The following NOL4 variants were observed in gnomAD, a reference collection of about 807,000 sequenced individuals.
NOL4 encodes cancer/testis antigen 125.
In NOL4, 17 loss-of-function variants were observed where a neutral mutation model predicts 75.9. The observed-to-expected ratio is 0.22, with a 90% CI of 0.15 to 0.34. The LOEUF (loss-of-function observed/expected upper bound fraction) is 0.34, where lower values mean the gene tolerates loss of function less well. Ranked by LOEUF, NOL4 falls within the 10% of genes least tolerant of loss-of-function variation. The probability of loss-of-function intolerance (pLI) is 1.00; values close to 1 mark genes in which losing one functional copy is unlikely to be tolerated. For missense variants in NOL4, 614 were observed against 793.5 expected, an observed-to-expected ratio of 0.77 and a Z score of 2.72; for synonymous variants, 292 against 289.9, an observed-to-expected ratio of 1.01 and a Z score of -0.07.
chr18:33,942,781 A>G (rs1248878571), intron 9 of NOL4, among the ~76,000 whole-genome samples: 1 of 151,912 alleles, frequency 6.6e-6, no homozygotes, highest in Non-Finnish European at 1.5e-5. Context: ...GATCAGCTAG[A>G]ACCTCTTAAT....
At chr18:33,933,963 C>T (rs2067880519) in intron 9 of NOL4, among the ~76,000 whole-genome samples, 1 of 152,058 alleles carries the variant, frequency 6.6e-6, no homozygotes, top group African/African-American at 2.4e-5. Flanking sequence ...CGATGGCAGC[C>T]ATAGCCTTGG....
chr18:34,184,168 T>C (rs1321008398), intron 1 of NOL4, among the ~76,000 whole-genome samples: 1 of 151,828 alleles, frequency 6.6e-6, no homozygotes, highest in East Asian at 1.9e-4. Context: ...TGCAAAGTAA[T>C]TTCAAAGCTT....
intron 9 of NOL4, among the ~76,000 whole-genome samples, chr18:33,890,683 A>G (rs922583549): frequency 1.3e-5 from 2 of 152,088 alleles, no homozygotes; most frequent in African/African-American, 2.4e-5. Context: ...TTCCTTTTGT[A>G]CTTATGATGA....
At chr18:33,895,211 T>C (rs931118891) in intron 9 of NOL4, among the ~76,000 whole-genome samples, 1 of 151,990 alleles carries the variant, frequency 6.6e-6, no homozygotes, top group Non-Finnish European at 1.5e-5. Flanking sequence ...ATAAATACAG[T>C]AGTGATAATC....
chr18:34,213,630 G>A (rs568823224), intron 1 of NOL4, among the ~76,000 whole-genome samples: 21 of 152,124 alleles, frequency 1.4e-4, no homozygotes, highest in Non-Finnish European at 2.9e-4. Flanking sequence ...TCTGGAGTGA[G>A]TTCCTAATAA....
intron 5 of NOL4, among the ~76,000 whole-genome samples, chr18:34,034,175 C>A (rs965728662): frequency 1.3e-5 from 2 of 151,984 alleles, no homozygotes; most frequent in Non-Finnish European, 2.9e-5. Flanking sequence ...CAGAAAACCA[C>A]CAAACCAAAA....
intron 5 of NOL4, among the ~76,000 whole-genome samples, chr18:34,024,566 A>G (rs1317007969): frequency 2.0e-5 from 3 of 151,818 alleles, no homozygotes; most frequent in African/African-American, 7.3e-5. Context: ...AAAACAAAAC[A>G]AACAACAACA....
intron 1 of NOL4, among the ~76,000 whole-genome samples, chr18:34,160,934 T>C (rs1397844010): frequency 2.6e-5 from 4 of 152,214 alleles, no homozygotes; most frequent in African/African-American, 7.2e-5. Flanking sequence ...TATATAGGCA[T>C]AATTTTGTGT....
intron 9 of NOL4, among the ~76,000 whole-genome samples, chr18:33,931,470 C>T (rs139996849): frequency 6.6e-6 from 1 of 152,256 alleles, no homozygotes. Context: ...GTGGCTCATG[C>T]CTGTCATCCT....
At chr18:34,175,983 T>C (rs2033511667) in intron 1 of NOL4, among the ~76,000 whole-genome samples, 1 of 151,696 alleles carries the variant, frequency 6.6e-6, no homozygotes, top group Non-Finnish European at 1.5e-5. Context: ...ATAAAAACAA[T>C]CAATAGGAAA....
chr18:33,905,894 C>T (rs2066009097), intron 9 of NOL4, among the ~76,000 whole-genome samples: 1 of 152,108 alleles, frequency 6.6e-6, no homozygotes, highest in Non-Finnish European at 1.5e-5. Context: ...CCAGTAGTAC[C>T]CAGATGGGAG....
At chr18:33,992,971 CA>C (rs1377625865) in intron 6 of NOL4, among the ~76,000 whole-genome samples, 1 of 151,896 alleles carries the variant, frequency 6.6e-6, no homozygotes, top group Non-Finnish European at 1.5e-5. Flanking sequence ...AGGGAACTTC[CA>C]AAAACTAAAT....
At chr18:34,001,381 C>T (rs2073693435) in intron 6 of NOL4, among the ~76,000 whole-genome samples, 1 of 152,174 alleles carries the variant, frequency 6.6e-6, no homozygotes, top group South Asian at 2.1e-4. Context: ...TTTTATTCTT[C>T]CCATACCTAT....
At chr18:34,145,975 T>C (rs561584893) in intron 1 of NOL4, among the ~76,000 whole-genome samples, 3 of 152,214 alleles carry the variant, frequency 2.0e-5, no homozygotes, top group East Asian at 1.9e-4. Context: ...AGAATATTCA[T>C]CTTCTTTCTA....
chr18:34,022,305 C>A (rs969933823), intron 5 of NOL4, among the ~76,000 whole-genome samples: 72 of 151,476 alleles, frequency 4.8e-4, no homozygotes, highest in African/African-American at 1.6e-3. Flanking sequence ...TTTTTATGTA[C>A]CCATCAAAGA....
chr18:33,884,782 G>A lies in NOL4; in HGVS notation c.1543-1358C>T, dbSNP rs956606203. Among the ~76,000 whole-genome samples, 3 of 152,230 alleles carry A rather than the reference G, an allele frequency of 2.0e-5. No homozygotes were observed. In the South Asian group the frequency reaches 6.2e-4, roughly 32 times the overall value. On this transcript the variant is annotated intron_variant, in intron 9 of 10. Transcript: ENST00000261592. The stretch of plus-strand genomic sequence containing the variant: ...ACATTTTTTGTGGCCCCAAAGGGGT[G>A]AAAACGAGGAAATATGAAATTAGTT...
chr18:33,941,605 C>A (rs1052962264), intron 9 of NOL4, among the ~76,000 whole-genome samples: 4 of 151,038 alleles, frequency 2.6e-5, no homozygotes, highest in Non-Finnish European at 5.9e-5. Flanking sequence ...ATGCACCAGG[C>A]AAAATGCTAA....
In NOL4 at chr18:33,851,928, T is replaced by C. The variant is rs1435556049; in HGVS notation, c.*914A>G. ...ACCTCTTAACATTCAGTCATCTACATCCAGGTGCTGCTAGAGGGATGCCTG... is the reference window on the plus strand; with the variant it reads ...ACCTCTTAACATTCAGTCATCTACACCCAGGTGCTGCTAGAGGGATGCCTG... On this transcript the variant is annotated 3_prime_UTR_variant, in exon 11 of 11. Coordinates refer to ENST00000261592, the MANE Select transcript of NOL4 (RefSeq NM_003787.5). 2 of 152,462 alleles carry C rather than the reference T, an allele frequency of 1.3e-5. No individual in the cohort carries two copies. The highest frequency in any genetic ancestry group is 4.8e-5 in the African/African-American group (2 of 41,396). The allele number at this position is 152,462 out of a possible 1,614,324, so 9.4% of individuals were successfully genotyped here.
At chr18:34,074,644 T>G (rs1000803620) in intron 5 of NOL4, among the ~76,000 whole-genome samples, 6 of 152,048 alleles carry the variant, frequency 3.9e-5, no homozygotes, top group Non-Finnish European at 8.8e-5. Context: ...CCAAGGAAGA[T>G]GATATTTCAC....
Sources: gnomAD v4.1 joint callset for allele counts (sites outside exome capture counted in the v4.1 genomes callset) on GRCh38, gnomAD v4.1.1 for gene constraint, MANE v1.5 for transcripts, NCBI Gene and HGNC (gene_info 2026-07-23, HGNC 2026-07-21) for gene names.